Variants in PIP5K1B observed in about 807,000 individuals in gnomAD.
PIP5K1B encodes phosphatidylinositol 4-phosphate 5-kinase type-1 beta.
Under a neutral mutation model 67.0 loss-of-function variants are expected in PIP5K1B, and 42 were observed. That is an observed-to-expected ratio of 0.63 (90% CI 0.49 to 0.81). The LOEUF (loss-of-function observed/expected upper bound fraction) is 0.81. Among genes scored for constraint, PIP5K1B ranks in the 30% least tolerant of loss-of-function variants. The pLI is 0.00. For synonymous variants in PIP5K1B, 214 were observed against 231.4 expected, an observed-to-expected ratio of 0.92 and a Z score of 0.68; for missense variants, 459 against 646.3, an observed-to-expected ratio of 0.71 and a Z score of 3.14.
chr9:68,839,717 C>T (rs1821815553), intron 4 of PIP5K1B, among the ~76,000 whole-genome samples: 1 of 152,198 alleles, frequency 6.6e-6, no homozygotes, highest in Non-Finnish European at 1.5e-5. Context: ...CCCACCGGCC[C>T]TTCAAGCCTA....
At chr9:68,706,148 G>C (rs1160989074) in intron 1 of PIP5K1B, 1 of 152,410 alleles carries the variant, frequency 6.6e-6, no homozygotes, top group Non-Finnish European at 1.5e-5. Flanking sequence ...GAACTTGTTA[G>C]GCGCCCTGGT....
intron 4 of PIP5K1B, among the ~76,000 whole-genome samples, chr9:68,838,464 C>T (rs1328248222): frequency 1.3e-5 from 2 of 152,190 alleles, no homozygotes; most frequent in African/African-American, 4.8e-5. Context: ...CCCTTGGTCA[C>T]GTACATTTGG....
intron 7 of PIP5K1B, among the ~76,000 whole-genome samples, chr9:68,893,172 A>T (rs996164295): frequency 1.3e-5 from 2 of 152,168 alleles, no homozygotes; most frequent in African/African-American, 4.8e-5. Flanking sequence ...CTGGAATGAA[A>T]TAAAGTGAGA....
rs80100862 is a variant in PIP5K1B, at chr9:68,973,056, G to A, written c.1503-18084G>A. On this transcript the variant is annotated intron_variant, in intron 14 of 15. Coordinates refer to ENST00000265382, the MANE Select transcript of PIP5K1B (RefSeq NM_003558.4). ...TTTTTATCACTGTGATAGGGATAAAGAACAAGCTCAGAAAGATAAAGTGAC... is the reference window on the plus strand; with the variant it reads ...TTTTTATCACTGTGATAGGGATAAAAAACAAGCTCAGAAAGATAAAGTGAC... 6.1e-3 allele frequency among the ~76,000 whole-genome samples: 924 copies of A among 152,306 alleles called. 7 individuals are homozygous for A. Among genetic ancestry groups the A allele is most frequent in the African/African-American group, 0.021 (871 of 41,566 alleles).
intron 1 of PIP5K1B, chr9:68,707,966 A>G (rs1281816912): frequency 3.3e-5 from 5 of 152,206 alleles, no homozygotes; most frequent in Non-Finnish European, 5.9e-5. Context: ...ATGTGTTTGT[A>G]ATCCAATGTT....
intron 1 of PIP5K1B, among the ~76,000 whole-genome samples, chr9:68,723,197 A>T (rs1313426737): frequency 0.017 from 556 of 32,962 alleles, 4 homozygotes; most frequent in African/African-American, 0.064. Flanking sequence ...AGAGAGAGAG[A>T]GGGAGAGAGA....
chr9:68,793,948 T>C (rs1409483624), intron 2 of PIP5K1B, among the ~76,000 whole-genome samples: 2 of 152,100 alleles, frequency 1.3e-5, no homozygotes, highest in Non-Finnish European at 2.9e-5. Flanking sequence ...GAAACCAAGC[T>C]AGAGCAATCA....
chr9:68,888,750 G>T (rs961597526), intron 6 of PIP5K1B, among the ~76,000 whole-genome samples: 1 of 152,142 alleles, frequency 6.6e-6, no homozygotes, highest in Non-Finnish European at 1.5e-5. Context: ...GACTCTGGGG[G>T]TTAGGAGTGT....
chr9:68,837,355 A>G (rs1042430145), intron 4 of PIP5K1B, among the ~76,000 whole-genome samples: 3 of 152,226 alleles, frequency 2.0e-5, no homozygotes, highest in African/African-American at 7.2e-5. Flanking sequence ...CGAGTCCTCA[A>G]GAGTACTAAG....
chr9:68,878,802 A>T (rs1824026636), intron 6 of PIP5K1B, among the ~76,000 whole-genome samples: 2 of 152,182 alleles, frequency 1.3e-5, no homozygotes, highest in South Asian at 4.1e-4. Context: ...TGTTGGGGTG[A>T]TGATTAGGAG....
chr9:68,893,333 CTTTTTTTTTTT>C (rs397792694), intron 7 of PIP5K1B, among the ~76,000 whole-genome samples: 1 of 110,954 alleles, frequency 9.0e-6, no homozygotes, highest in Non-Finnish European at 1.7e-5. Flanking sequence ...TATTTTTTTT[CTTTTTTTTTTT>C]TTTTTTTGAG....
chr9:68,714,994 G>A (rs1184235109), intron 1 of PIP5K1B, among the ~76,000 whole-genome samples: 4 of 152,140 alleles, frequency 2.6e-5, no homozygotes, highest in African/African-American at 9.7e-5. Flanking sequence ...CCATAGCAGA[G>A]AAATTCACCA....
intron 2 of PIP5K1B, among the ~76,000 whole-genome samples, chr9:68,804,966 C>T (rs1564148861): frequency 6.6e-6 from 1 of 152,202 alleles, no homozygotes; most frequent in Non-Finnish European, 1.5e-5. Flanking sequence ...ACATGCAGTC[C>T]AGGGTCACCT....
intron 2 of PIP5K1B, among the ~76,000 whole-genome samples, chr9:68,795,030 G>A (rs929510511): frequency 2.0e-5 from 3 of 152,166 alleles, no homozygotes; most frequent in Non-Finnish European, 2.9e-5. Context: ...CTTTCAAGAC[G>A]TCAGTTAAGT....
chr9:68,982,777 A>G (rs1829940936), intron 14 of PIP5K1B, among the ~76,000 whole-genome samples: 1 of 151,400 alleles, frequency 6.6e-6, no homozygotes, highest in African/African-American at 2.4e-5. Context: ...AAAAAATTAT[A>G]TTACCTTTAC....
chr9:68,791,251 A>G (rs1481711349), intron 2 of PIP5K1B, among the ~76,000 whole-genome samples: 1 of 152,222 alleles, frequency 6.6e-6, no homozygotes, highest in Non-Finnish European at 1.5e-5. Context: ...GGACAAAGAA[A>G]GGTTTTAATG....
chr9:68,810,907 TCTC>T (rs1232629911), intron 2 of PIP5K1B, among the ~76,000 whole-genome samples: 1 of 152,208 alleles, frequency 6.6e-6, no homozygotes, highest in African/African-American at 2.4e-5. Context: ...TAGACAATCT[TCTC>T]ATTGTTTTTA....
chr9:68,964,265 A>G (rs1828903930), intron 14 of PIP5K1B: 1 of 152,212 alleles, frequency 6.6e-6, no homozygotes, highest in Non-Finnish European at 1.5e-5. Context: ...ATGTTATACT[A>G]TCACAGTGGA....
intron 6 of PIP5K1B, among the ~76,000 whole-genome samples, chr9:68,887,248 G>C (rs957381010): frequency 6.6e-6 from 1 of 152,082 alleles, no homozygotes; most frequent in Non-Finnish European, 1.5e-5. Flanking sequence ...CCTCCTACTG[G>C]GATATAAACT....
Sources: gnomAD v4.1 joint callset for allele counts (sites outside exome capture counted in the v4.1 genomes callset) on GRCh38, gnomAD v4.1.1 for gene constraint, MANE v1.5 for transcripts, NCBI Gene and HGNC (gene_info 2026-07-23, HGNC 2026-07-21) for gene names.